Variants in C18orf63 observed in about 807,000 individuals in gnomAD.
C18orf63 encodes the protein chromosome 18 open reading frame 63.
In C18orf63, 50 loss-of-function variants were observed where a neutral mutation model predicts 75.3. The observed-to-expected ratio is 0.66, with a 90% CI of 0.53 to 0.84. The LOEUF is 0.84. Among genes scored for constraint, C18orf63 ranks in the 40% least tolerant of loss-of-function variants. The pLI is 0.00. For synonymous variants in C18orf63, 232 were observed against 267.6 expected, an observed-to-expected ratio of 0.87 and a Z score of 1.30; for missense variants, 732 against 800.2, an observed-to-expected ratio of 0.91 and a Z score of 1.03.
chr18:74,334,180 C>T (rs1984354558), intron 7 of C18orf63, among the ~76,000 whole-genome samples: 2 of 151,942 alleles, frequency 1.3e-5, no homozygotes, highest in African/African-American at 4.8e-5. Flanking sequence ...TCAGTTGACT[C>T]AGGTTTATTT....
chr18:74,321,482 T>C (rs1049831316), intron 3 of C18orf63, among the ~76,000 whole-genome samples: 2 of 152,062 alleles, frequency 1.3e-5, no homozygotes, highest in Non-Finnish European at 2.9e-5. Flanking sequence ...TGTTTTGTAT[T>C]TGTGTAGAGA....
intron 1 of C18orf63, among the ~76,000 whole-genome samples, chr18:74,317,578 A>T (rs1432265994): frequency 6.6e-6 from 1 of 152,256 alleles, no homozygotes; most frequent in African/African-American, 2.4e-5. Context: ...AGTAAAAAAC[A>T]GTGAATTGTA....
Position 74,354,449 on chromosome 18 carries a change from T to A in C18orf63, c.2002-8T>A. On this transcript the variant is annotated splice_polypyrimidine_tract_variant and splice_region_variant and intron_variant, in intron 12 of 13. Transcript: ENST00000579455. The stretch of plus-strand genomic sequence containing the variant: ...TTGTAACAAATGTGATTCTTCAATC[T>A]AATACAGATACTTGACTCGGATAAA... 7.0e-7 allele frequency: 1 copy of A among 1,438,210 alleles called. No individual in the cohort carries two copies. The highest frequency in any genetic ancestry group is 9.4e-7 in the Non-Finnish European group (1 of 1,061,334). The allele number at this position is 1,438,210 out of a possible 1,614,324, so 89.1% of individuals were successfully genotyped here. A position where few individuals can be genotyped will look rare whatever the true frequency, so the allele number is the denominator to read the frequency against.
At chr18:74,334,527 T>G (rs908551912) in intron 7 of C18orf63, among the ~76,000 whole-genome samples, 1 of 151,496 alleles carries the variant, frequency 6.6e-6, no homozygotes, top group Admixed American at 6.6e-5. Flanking sequence ...AAGGCAGGGG[T>G]TTTTTGTTTG....
At chr18:74,335,221 G>A (rs538031382) in intron 7 of C18orf63, among the ~76,000 whole-genome samples, 3 of 152,114 alleles carry the variant, frequency 2.0e-5, no homozygotes, top group African/African-American at 7.2e-5. Context: ...TGGAGTGAAA[G>A]ACTAATTTAT....
chr18:74,342,695 A>G (rs938270369), intron 10 of C18orf63, among the ~76,000 whole-genome samples: 2 of 152,222 alleles, frequency 1.3e-5, no homozygotes, highest in African/African-American at 4.8e-5. Flanking sequence ...GTTGTAAACA[A>G]AAACAAGATT....
chr18:74,326,752 C>G (rs995280508), intron 4 of C18orf63, among the ~76,000 whole-genome samples: 7 of 152,058 alleles, frequency 4.6e-5, no homozygotes, highest in African/African-American at 1.7e-4. Context: ...GTATAACTTG[C>G]CTGGTGTTTT....
intron 10 of C18orf63, among the ~76,000 whole-genome samples, chr18:74,342,591 T>G (rs1486177924): frequency 6.6e-6 from 1 of 152,162 alleles, no homozygotes; most frequent in Non-Finnish European, 1.5e-5. Context: ...AATGTGTACT[T>G]AGAAAGTAAG....
intron 7 of C18orf63, among the ~76,000 whole-genome samples, chr18:74,334,576 T>A (rs1427896542): frequency 6.6e-6 from 1 of 152,176 alleles, no homozygotes; most frequent in Non-Finnish European, 1.5e-5. Flanking sequence ...AAGCTTAATG[T>A]TCCCTTTGGC....
intron 4 of C18orf63, among the ~76,000 whole-genome samples, chr18:74,324,590 A>G (rs868543977): frequency 1.8e-4 from 27 of 152,312 alleles, no homozygotes; most frequent in South Asian, 1.2e-3. Flanking sequence ...TACTGTATTG[A>G]TTTAATAAAG....
In C18orf63 at chr18:74,358,688, T is replaced by G. The variant is rs912245235; in HGVS notation, c.*2241T>G. 6.6e-6 allele frequency: 1 copy of G among 152,126 alleles called. No individual in the cohort carries two copies. The highest frequency in any genetic ancestry group is 1.5e-5 in the Non-Finnish European group (1 of 67,984). The allele number at this position is 152,126 out of a possible 1,614,324, so 9.4% of individuals were successfully genotyped here. ...TTTTAATTTTAAAACCATAAGAAAA[T>G]AATTTTATGTTTGCCTATGTCCAGG... On this transcript the variant is annotated 3_prime_UTR_variant, in exon 14 of 14. Transcript: ENST00000579455.
Position 74,354,543 on chromosome 18 carries a change from C to T in C18orf63, c.*30C>T, listed in dbSNP as rs776240163. 4.6e-6 allele frequency: 6 copies of T among 1,293,710 alleles called. No homozygotes were observed. In the South Asian group the frequency reaches 6.7e-5, roughly 14 times the overall value. 80.1% of individuals were successfully genotyped at this position (1,293,710 alleles called of 1,614,324 possible). ...TGGACCTGAAAGAAGGAAATGTCTA[C>T]CAGGTAACTGAAGTGATAGCTTTTG... On this transcript the variant is annotated 3_prime_UTR_variant, in exon 13 of 14. Transcript: ENST00000579455.
rs1481479116 is a variant in C18orf63 at position 74,330,889 on chromosome 18, A to G, written c.448A>G (p.Thr150Ala). 5 of 1,460,252 alleles carry G rather than the reference A, an allele frequency of 3.4e-6. No individual in the cohort carries two copies. Among genetic ancestry groups the G allele is most frequent in the Admixed American group, 2.2e-5 (1 of 45,654 alleles). 90.5% of individuals were successfully genotyped at this position (1,460,252 alleles called of 1,614,324 possible). A position where few individuals can be genotyped will look rare whatever the true frequency, so the allele number is the denominator to read the frequency against. The change falls in exon 7 of 14, where the codon ACT becomes GCT. Residue 150 changes from threonine to alanine, a missense_variant. Physicochemically the swap from Thr to Ala is moderately conservative, Grantham distance 58. Transcript: ENST00000579455. Reference sequence around the variant, plus strand: ...AGTATTAAACATCAATGTAACAGAAACTCAAGTTTGTCTAAGTATAGAAGC... The same window carrying G: ...AGTATTAAACATCAATGTAACAGAAGCTCAAGTTTGTCTAAGTATAGAAGC... ...AVVLNINVTE[T>A]QVCLSIEACT...
Position 74,358,644 on chromosome 18 carries a change from T to C in C18orf63, c.*2197T>C, listed in dbSNP as rs1209785411. 6.6e-6 allele frequency: 1 copy of C among 152,156 alleles called. No homozygotes were observed. The highest frequency in any genetic ancestry group is 2.4e-5 in the African/African-American group (1 of 41,462). The allele number at this position is 152,156 out of a possible 1,614,324, so 9.4% of individuals were successfully genotyped here. ...AGAAATTATTCTTATATTCCAATTG[T>C]GCATTAGTTTTAGAACCATTTTAAT... On this transcript the variant is annotated 3_prime_UTR_variant, in exon 14 of 14. Transcript: ENST00000579455.
intron 11 of C18orf63, 38 bp from the exon 12 acceptor site, chr18:74,353,208 A>G (rs1293103187): frequency 1.5e-6 from 2 of 1,297,842 alleles, no homozygotes; most frequent in Non-Finnish European, 2.1e-6. Context: ...GGACATTATT[A>G]ACATTTTAAA....
At chr18:74,352,767 G>C (rs1229912951) in intron 11 of C18orf63, among the ~76,000 whole-genome samples, 1 of 152,194 alleles carries the variant, frequency 6.6e-6, no homozygotes, top group East Asian at 1.9e-4. Context: ...TGCACTAAAA[G>C]ATAAGAGAGC....
intron 6 of C18orf63, among the ~76,000 whole-genome samples, chr18:74,329,373 C>CA (rs5826314): frequency 0.013 from 1,237 of 94,072 alleles, 10 homozygotes; most frequent in South Asian, 0.042. Flanking sequence ...GACCCTATTT[C>CA]AAAAAAAAAA....
Position 74,342,129 on chromosome 18 carries a change from GT to G in C18orf63, c.708+2del. The G allele has an allele frequency of 3.4e-6, 5 of 1,485,706 alleles. No homozygotes were observed. The highest frequency in any genetic ancestry group is 4.5e-6 in the Non-Finnish European group (5 of 1,101,934). 92.0% of individuals were successfully genotyped at this position (1,485,706 alleles called of 1,614,324 possible). Reference sequence around the variant, plus strand: ...TTTCCAGAGACACTGGGATGCCCTGGTAAGGAATGGAAATATATGTTACATT... The same window carrying G: ...TTTCCAGAGACACTGGGATGCCCTGGAAGGAATGGAAATATATGTTACATT... On this transcript the variant is annotated splice_donor_variant, in intron 9 of 13. Transcript: ENST00000579455. LOFTEE classifies it high-confidence loss of function.
chr18:74,317,961 A>T lies in C18orf63; in HGVS notation c.96A>T (p.Ala32=), dbSNP rs1229961905. 20 of 1,532,826 alleles carry T rather than the reference A, an allele frequency of 1.3e-5. No individual in the cohort carries two copies. Among genetic ancestry groups the T allele is most frequent in the Non-Finnish European group, 1.7e-5 (19 of 1,144,600 alleles). 95.0% of individuals were successfully genotyped at this position (1,532,826 alleles called of 1,614,324 possible). ...AVRIILSNKV[A]DTEIRTIQMK... ...GAATAATACTGAGTAATAAGGTGGC[A>T]GATACTGAGATTAGGACTATACAAA... The change falls in exon 2 of 14, where the codon GCA becomes GCT. Residue 32 remains alanine, a synonymous_variant. Coordinates refer to ENST00000579455, the MANE Select transcript of C18orf63 (RefSeq NM_001174123.2).
Sources: allele counts gnomAD v4.1 joint callset (sites outside exome capture counted in the v4.1 genomes callset), GRCh38; gene constraint gnomAD v4.1.1; transcripts MANE v1.5; gene names NCBI Gene and HGNC (gene_info 2026-07-23, HGNC 2026-07-21).